The following UBQLN1 variants were observed in gnomAD, a reference collection of about 807,000 sequenced individuals.
The protein encoded by UBQLN1 is ubiquilin 1.
In UBQLN1, 13 loss-of-function variants were observed where a neutral mutation model predicts 65.4. That is an observed-to-expected ratio of 0.20 (90% CI 0.13 to 0.32). The LOEUF is 0.32. Among genes scored for constraint, UBQLN1 ranks in the 10% least tolerant of loss-of-function variants. The pLI is 1.00. For synonymous variants in UBQLN1, 267 were observed against 247.8 expected (o/e 1.08, Z -0.73); for missense variants, 561 against 724.0 (o/e 0.77, Z 2.58).
At chr9:83,697,958 A>G (rs1384667012) in intron 1 of UBQLN1, among the ~76,000 whole-genome samples, 2 of 151,230 alleles carry the variant, frequency 1.3e-5, no homozygotes, top group East Asian at 3.9e-4. Flanking sequence ...CTGGTCTCAA[A>G]CTCCTGACCT....
intron 1 of UBQLN1, among the ~76,000 whole-genome samples, chr9:83,701,039 G>A (rs1035032547): frequency 2.6e-5 from 4 of 152,082 alleles, no homozygotes; most frequent in Admixed American, 6.6e-5. Context: ...GCCACTACCC[G>A]ATATTTTAAG....
intron 1 of UBQLN1, among the ~76,000 whole-genome samples, chr9:83,704,104 C>G (rs1832356862): frequency 6.6e-6 from 1 of 152,188 alleles, no homozygotes; most frequent in Non-Finnish European, 1.5e-5. Context: ...AGGTCTTCGG[C>G]TTACCCTCTG....
chr9:83,674,343 A>C (rs557103384), intron 6 of UBQLN1, among the ~76,000 whole-genome samples: 1 of 152,348 alleles, frequency 6.6e-6, no homozygotes, highest in East Asian at 1.9e-4. Flanking sequence ...CTAAAAGAAT[A>C]CAACATATAT....
chr9:83,668,964 T>C (rs1299765492), intron 7 of UBQLN1: 1 of 490,144 alleles, frequency 2.0e-6, no homozygotes, highest in Non-Finnish European at 3.3e-6. Flanking sequence ...TGCACTTCTT[T>C]CTAGTCAATG....
intron 2 of UBQLN1, among the ~76,000 whole-genome samples, chr9:83,684,454 C>G (rs779210340): frequency 1.4e-4 from 21 of 151,964 alleles, no homozygotes; most frequent in Non-Finnish European, 2.8e-4. Context: ...CTCACCCTCC[C>G]AAAGTGCTCA....
intron 7 of UBQLN1, chr9:83,667,048 A>T (rs1281764510): frequency 6.6e-6 from 1 of 152,240 alleles, no homozygotes; most frequent in Non-Finnish European, 1.5e-5. Flanking sequence ...GAAAAGTATT[A>T]AAATGATTTA....
chr9:83,666,080 G>A (rs1386178978), intron 8 of UBQLN1, among the ~76,000 whole-genome samples: 1 of 152,088 alleles, frequency 6.6e-6, no homozygotes, highest in East Asian at 1.9e-4. Context: ...AATGGTTTAT[G>A]GTATTAACAA....
chr9:83,704,946 T>C (rs1018798977), intron 1 of UBQLN1, among the ~76,000 whole-genome samples: 3 of 151,874 alleles, frequency 2.0e-5, no homozygotes, highest in Non-Finnish European at 1.5e-5. Context: ...TAACATCATA[T>C]ATTGACTGAA....
At chr9:83,705,318 G>A (rs28555298) in intron 1 of UBQLN1, among the ~76,000 whole-genome samples, 29,007 of 144,636 alleles carry the variant, frequency 0.2, 3,030 homozygotes, top group Middle Eastern at 0.28. Flanking sequence ...TCGGCTCACT[G>A]TAACCTCCCT....
At position 83,669,269 on chromosome 9, in the gene UBQLN1, T is replaced by A. The variant is rs201191228; in HGVS notation, c.1164A>T (p.Pro388=). Residue 388 remains proline (P), a synonymous_variant, in exon 7 of 11, where the codon CCA becomes CCT. Coordinates refer to ENST00000376395, the MANE Select transcript of UBQLN1 (RefSeq NM_013438.5). ...QSLLQQITEN[P]QLMQNMLSAP... is the part of the protein sequence containing the mutation. ...CAGACAACATGTTTTGCATCAGTTG[T>A]GGGTTTTCAGTTATTTGTTGCAACA... 16 of 1,612,650 alleles carry A rather than the reference T, an allele frequency of 9.9e-6. No homozygotes were observed. The highest frequency in any genetic ancestry group is 1.3e-5 in the Non-Finnish European group (15 of 1,179,770).
chr9:83,668,024 T>G, intron 7 of UBQLN1: 1 of 985,434 alleles, frequency 1.0e-6, no homozygotes, highest in Non-Finnish European at 1.2e-6. Flanking sequence ...AAAAGCAAGA[T>G]GCACATTCAG....
intron 10 of UBQLN1, among the ~76,000 whole-genome samples, chr9:83,662,745 G>A (rs907421901): frequency 1.3e-5 from 2 of 152,222 alleles, no homozygotes; most frequent in Non-Finnish European, 2.9e-5. Flanking sequence ...AGATATGTAT[G>A]AGACAGAACC....
At chr9:83,697,821 C>T (rs1832245367) in intron 1 of UBQLN1, among the ~76,000 whole-genome samples, 2 of 150,484 alleles carry the variant, frequency 1.3e-5, no homozygotes, top group South Asian at 2.1e-4. Flanking sequence ...CTGCAACCTC[C>T]ACCTCCCAGG....
intron 1 of UBQLN1, among the ~76,000 whole-genome samples, chr9:83,689,536 T>G (rs1172807308): frequency 6.6e-6 from 1 of 152,226 alleles, no homozygotes; most frequent in Non-Finnish European, 1.5e-5. Context: ...TAAATTAGAC[T>G]ACATATGCTG....
chr9:83,702,190 G>A (rs531478421), intron 1 of UBQLN1, among the ~76,000 whole-genome samples: 10 of 152,234 alleles, frequency 6.6e-5, no homozygotes, highest in South Asian at 2.1e-4. Context: ...AGGGTACAGC[G>A]TTTCTTTTTG....
intron 2 of UBQLN1, among the ~76,000 whole-genome samples, chr9:83,683,640 T>C (rs1403327426): frequency 1.3e-5 from 2 of 152,200 alleles, no homozygotes; most frequent in South Asian, 2.1e-4. Context: ...GTTTCAATCA[T>C]ATTGCTTATG....
At chr9:83,684,747 T>C (rs1278451916) in intron 2 of UBQLN1, among the ~76,000 whole-genome samples, 4 of 151,126 alleles carry the variant, frequency 2.6e-5, no homozygotes, top group African/African-American at 9.7e-5. Flanking sequence ...GAGGCAGACG[T>C]TGCAGTGAGC....
At chr9:83,683,155 G>A in intron 2 of UBQLN1, 89 bp from the exon 3 acceptor site, 2 of 846,532 alleles carry the variant, frequency 2.4e-6, no homozygotes. Flanking sequence ...GCTCACGCCT[G>A]TAATCCCAGC....
At chr9:83,666,672 C>A in intron 7 of UBQLN1, 1 of 360,462 alleles carries the variant, frequency 2.8e-6, no homozygotes, top group East Asian at 4.1e-5. Flanking sequence ...TAATGACATG[C>A]AATATCCTAA....
Sources: gnomAD v4.1 joint callset for allele counts (sites outside exome capture counted in the v4.1 genomes callset) on GRCh38, gnomAD v4.1.1 for gene constraint, MANE v1.5 for transcripts, NCBI Gene and HGNC (gene_info 2026-07-23, HGNC 2026-07-21) for gene names.